PTPRS: variants seen among roughly 807,000 people sequenced by gnomAD.
PTPRS encodes the protein receptor-type tyrosine-protein phosphatase S.
Under a neutral mutation model 215.3 loss-of-function variants are expected in PTPRS, and 63 were observed. The observed-to-expected ratio is 0.29, with a 90% CI of 0.24 to 0.36. PTPRS has a LOEUF of 0.36. Among genes scored for constraint, PTPRS ranks in the 10% least tolerant of loss-of-function variants. The pLI is 1.00. For synonymous variants in PTPRS, 1,404 were observed against 1,191.4 expected (o/e 1.18, Z -3.68); for missense variants, 2,258 against 2,825.8 (o/e 0.80, Z 4.56).
At chr19:5,285,974 CCACA>C (rs1476222380) in intron 2 of PTPRS, 72 bp downstream of exon 2, 2 of 1,349,382 alleles carry the variant, frequency 1.5e-6, no homozygotes, top group East Asian at 4.9e-5. Flanking sequence ...GGGAGTGTGC[CCACA>C]CACACACAGC....
intron 1 of PTPRS, among the ~76,000 whole-genome samples, chr19:5,300,961 T>G (rs1459717212): frequency 3.3e-5 from 5 of 152,228 alleles, no homozygotes; most frequent in Non-Finnish European, 7.4e-5. Flanking sequence ...CCCTGGCCAC[T>G]CTCACTCCCT....
In PTPRS at chr19:5,324,421, CCCTGTG is replaced by C. The variant is rs535556927; in HGVS notation, c.-95+16237_-95+16242del. On this transcript the variant is annotated intron_variant, in intron 1 of 37. Coordinates refer to ENST00000262963, the MANE Select transcript of PTPRS (RefSeq NM_002850.4). ...GCAGGACCCAGGAGAAGACAGTGAC[CCCTGTG>C]CCTGGGAGCATTTTGTGTATGGAAG... Among the ~76,000 whole-genome samples, 73 of 152,140 alleles carry C rather than the reference CCCTGTG, an allele frequency of 4.8e-4. No homozygotes were observed. The South Asian group carries it at 0.014, about 30-fold the overall frequency.
intron 25 of PTPRS, among the ~76,000 whole-genome samples, chr19:5,217,322 C>G (rs1040207671): frequency 3.9e-5 from 6 of 152,198 alleles, no homozygotes; most frequent in Non-Finnish European, 8.8e-5. Context: ...CTTCAGGAGA[C>G]TGCAGCCGTC....
At chr19:5,251,627 G>A (rs185888592) in intron 9 of PTPRS, among the ~76,000 whole-genome samples, 6 of 152,066 alleles carry the variant, frequency 3.9e-5, no homozygotes, top group Admixed American at 1.3e-4. Flanking sequence ...AGGAAACAGC[G>A]AATGCAGAGG....
At chr19:5,219,916 G>A (rs1480534826) in intron 22 of PTPRS, 23 bp downstream of exon 22, 2 of 1,609,930 alleles carry the variant, frequency 1.2e-6, no homozygotes, top group Non-Finnish European at 1.7e-6. Flanking sequence ...TCTGGATGTG[G>A]GCGGACACCA....
chr19:5,311,391 C>A (rs74347899), intron 1 of PTPRS, among the ~76,000 whole-genome samples: 189 of 152,310 alleles, frequency 1.2e-3, no homozygotes, highest in Non-Finnish European at 2.6e-3. Context: ...GTTCCCAACA[C>A]CTGACCCTGT....
chr19:5,269,758 T>C (rs1408570418), intron 4 of PTPRS, among the ~76,000 whole-genome samples: 1 of 151,804 alleles, frequency 6.6e-6, no homozygotes, highest in African/African-American at 2.4e-5. Flanking sequence ...CTGTGTCTAC[T>C]AAAAATACAA....
At chr19:5,258,604 C>T (rs1357540333) in intron 7 of PTPRS, among the ~76,000 whole-genome samples, 1 of 152,126 alleles carries the variant, frequency 6.6e-6, no homozygotes, top group Non-Finnish European at 1.5e-5. Flanking sequence ...ATTAGGTGCC[C>T]GTGAGTAAAT....
chr19:5,311,040 C>G (rs2147153228), intron 1 of PTPRS, among the ~76,000 whole-genome samples: 1 of 152,284 alleles, frequency 6.6e-6, no homozygotes, highest in South Asian at 2.1e-4. Context: ...CCACCACGCC[C>G]AGCTAATTTT....
chr19:5,305,746 A>AATAAAT (rs71172708), intron 1 of PTPRS, among the ~76,000 whole-genome samples: 9,652 of 105,156 alleles, frequency 0.092, 517 homozygotes, highest in Non-Finnish European at 0.13. Context: ...TAAATAAATA[A>AATAAAT]ATATATATAT....
chr19:5,306,906 A>C lies in PTPRS; in HGVS notation c.-94-20672T>G, dbSNP rs116579343. Among the ~76,000 whole-genome samples, 787 of 152,256 alleles carry C rather than the reference A, an allele frequency of 5.2e-3. 4 individuals are homozygous for C. Among genetic ancestry groups the C allele is most frequent in the African/African-American group, 0.018 (729 of 41,536 alleles). ...CTGATAACACCACCTCTAGAAATCT[A>C]CCCGGCAGACACTTTCCCGTGAAAT... On this transcript the variant is annotated intron_variant, in intron 1 of 37. Transcript: ENST00000262963.
intron 18 of PTPRS, 81 bp from the exon 19 acceptor site, chr19:5,222,301 T>C (rs1318275409): frequency 1.6e-6 from 2 of 1,236,134 alleles, no homozygotes; most frequent in African/African-American, 3.0e-5. Context: ...TGAAGCGGGG[T>C]GGGGTGGGGC....
chr19:5,274,745 C>T (rs534864674), intron 2 of PTPRS, among the ~76,000 whole-genome samples: 11 of 152,212 alleles, frequency 7.2e-5, no homozygotes, highest in Non-Finnish European at 1.5e-4. Flanking sequence ...CTGAACCCCC[C>T]CTCCATGGTG....
At chr19:5,234,150 C>T (rs145590016) in intron 13 of PTPRS, among the ~76,000 whole-genome samples, 7 of 148,070 alleles carry the variant, frequency 4.7e-5, no homozygotes, top group South Asian at 4.4e-4. Context: ...TAATAATTTA[C>T]GGAAAATATG....
In PTPRS at chr19:5,246,840, T is replaced by A. The variant is rs149022441; in HGVS notation, c.719-795A>T. On this transcript the variant is annotated intron_variant, in intron 9 of 37. Transcript: ENST00000262963. ...TTCTGTCAGATCTGACAAGTTTCCA[T>A]CAATAGATGCAGCTCTGAGTCACAA... 3.6e-4 allele frequency among the ~76,000 whole-genome samples: 55 copies of A among 152,006 alleles called. 1 individual carries two copies. Among genetic ancestry groups the A allele is most frequent in the African/African-American group, 1.3e-3 (55 of 41,450 alleles).
rs2049103595 is a variant in PTPRS, at chr19:5,295,326, G to A, written c.-94-9092C>T. Among the ~76,000 whole-genome samples, 2 of 152,202 alleles carry A rather than the reference G, an allele frequency of 1.3e-5. No homozygotes were observed. The highest frequency in any genetic ancestry group is 2.1e-4 in the South Asian group (1 of 4,826). On this transcript the variant is annotated intron_variant, in intron 1 of 37. Transcript: ENST00000262963. This position sits in a 1 kb window ranked among gnomAD's most constrained non-coding sequence, Gnocchi z 4.6. ...GACGGCAGACAAGGGCTTGCCAGCC[G>A]CTTCCCAGCCAGTCCTGCCCTCTCT... is the stretch of plus-strand genomic sequence containing the variant.
chr19:5,213,226 C>G (rs2041093002), intron 30 of PTPRS, among the ~76,000 whole-genome samples: 1 of 152,226 alleles, frequency 6.6e-6, no homozygotes. Flanking sequence ...CCAAGCCCCC[C>G]AGTCTGTCCT....
rs919311127 is a variant in PTPRS, at chr19:5,294,099, G to A, written c.-94-7865C>T. The A allele has an allele frequency of 2.6e-5, 4 of 152,256 alleles. No individual in the cohort carries two copies. The highest frequency in any genetic ancestry group is 2.9e-5 in the Non-Finnish European group (2 of 68,066). The allele number at this position is 152,256 out of a possible 1,614,324, so 9.4% of individuals were successfully genotyped here. A position where few individuals can be genotyped will look rare whatever the true frequency, so the allele number is the denominator to read the frequency against. On this transcript the variant is annotated intron_variant, in intron 1 of 37. Coordinates refer to ENST00000262963, the MANE Select transcript of PTPRS (RefSeq NM_002850.4). This position sits in a 1 kb window ranked among gnomAD's most constrained non-coding sequence, Gnocchi z 5.1. ...GCAGAGGCCGGGATGGAGACCCAAG[G>A]GCTCCCGCGTCTGCTCCCATCCCTG...
At chr19:5,307,075 C>A (rs1043252188) in intron 1 of PTPRS, among the ~76,000 whole-genome samples, 5 of 152,152 alleles carry the variant, frequency 3.3e-5, no homozygotes, top group African/African-American at 1.2e-4. Flanking sequence ...GAGGCTGAGG[C>A]AGGAAGATCA....
Sources: gnomAD v4.1 joint callset for allele counts (sites outside exome capture counted in the v4.1 genomes callset) on GRCh38, gnomAD v4.1.1 for gene constraint, Gnocchi (gnomAD v3.1) non-coding constraint, MANE v1.5 for transcripts, NCBI Gene and HGNC (gene_info 2026-07-23, HGNC 2026-07-21) for gene names.